Variants in USP10 observed in about 807,000 individuals in gnomAD.
USP10 encodes ubiquitin specific peptidase 10.
Under a neutral mutation model 84.5 loss-of-function variants are expected in USP10, and 22 were observed. The observed-to-expected ratio is 0.26, with a 90% CI of 0.19 to 0.37. The LOEUF is 0.37. Among genes scored for constraint, USP10 ranks in the 10% least tolerant of loss-of-function variants. USP10 has a pLI of 1.00. For synonymous variants in USP10, 454 were observed against 387.6 expected, an observed-to-expected ratio of 1.17 and a Z score of -2.01; for missense variants, 1,019 against 998.9, an observed-to-expected ratio of 1.02 and a Z score of -0.27.
intron 1 of USP10, among the ~76,000 whole-genome samples, chr16:84,728,548 C>A (rs997894879): frequency 6.6e-6 from 1 of 152,036 alleles, no homozygotes; most frequent in African/African-American, 2.4e-5. Flanking sequence ...CCAGGATGGT[C>A]TCAATCTCCT....
chr16:84,717,089 A>G (rs1907127312), intron 1 of USP10, among the ~76,000 whole-genome samples: 2 of 152,132 alleles, frequency 1.3e-5, no homozygotes, highest in Non-Finnish European at 2.9e-5. Flanking sequence ...GATTCAGTAC[A>G]CCTGGGGTGG....
intron 3 of USP10, among the ~76,000 whole-genome samples, chr16:84,743,385 C>T (rs34327141): frequency 0.2 from 30,051 of 152,128 alleles, 3,610 homozygotes; most frequent in East Asian, 0.37. Context: ...GGCTGTGTAG[C>T]TCCAGCCTCC....
rs1282381423 is a variant in USP10 at position 84,755,593 on chromosome 16, G to A, written c.1193-3123G>A. On this transcript the variant is annotated intron_variant, in intron 4 of 13. Coordinates refer to ENST00000219473, the MANE Select transcript of USP10 (RefSeq NM_005153.3). Reference sequence around the variant, plus strand: ...CGAGGCTGCAGTGAGGCATAATCACGCCACTGCACTCCAGCCTGGGTAATA... The same window carrying A: ...CGAGGCTGCAGTGAGGCATAATCACACCACTGCACTCCAGCCTGGGTAATA... Among the ~76,000 whole-genome samples the A allele has an allele frequency of 5.3e-5, 8 of 152,064 alleles. No individual in the cohort carries two copies. The East Asian group carries it at 9.7e-4, about 18-fold the overall frequency.
chr16:84,740,596 A>T (rs1174243513), intron 3 of USP10, among the ~76,000 whole-genome samples: 2 of 152,236 alleles, frequency 1.3e-5, no homozygotes, highest in Non-Finnish European at 2.9e-5. Context: ...TTAGTTTAGG[A>T]AATGGTTGTT....
intron 4 of USP10, among the ~76,000 whole-genome samples, chr16:84,750,702 T>C (rs1911828356): frequency 6.6e-6 from 1 of 152,254 alleles, no homozygotes; most frequent in Admixed American, 6.5e-5. Context: ...TTTGATGTTT[T>C]GCTTTCAAAA....
intron 1 of USP10, among the ~76,000 whole-genome samples, chr16:84,725,405 T>A (rs1040420279): frequency 6.6e-6 from 1 of 152,196 alleles, no homozygotes; most frequent in Admixed American, 6.5e-5. Context: ...TTTCTTTTCT[T>A]TTTTCTTTTT....
chr16:84,740,450 T>G, intron 3 of USP10, 81 bp downstream of exon 3: 1 of 1,154,536 alleles, frequency 8.7e-7, no homozygotes, highest in Non-Finnish European at 1.3e-6. Flanking sequence ...AAACATTGTT[T>G]CCCATTTGAA....
intron 1 of USP10, among the ~76,000 whole-genome samples, chr16:84,706,564 G>A (rs923888463): frequency 2.0e-5 from 3 of 147,664 alleles, no homozygotes. Flanking sequence ...TTTTTGAGAC[G>A]AAGTCTTCCT....
At chr16:84,701,176 C>G (rs62048813) in intron 1 of USP10, among the ~76,000 whole-genome samples, 32,834 of 152,180 alleles carry the variant, frequency 0.22, 3,979 homozygotes, top group East Asian at 0.38. Context: ...AATCTGACTA[C>G]ACCTCTTTTG....
chr16:84,778,850 G>T, intron 13 of USP10, 45 bp from the exon 14 acceptor site: 2 of 1,572,740 alleles, frequency 1.3e-6, no homozygotes, highest in Non-Finnish European at 1.7e-6. Context: ...AATGATTCGT[G>T]TGCAGTGCTG....
intron 4 of USP10, among the ~76,000 whole-genome samples, chr16:84,751,595 C>G (rs1373907362): frequency 6.6e-6 from 1 of 152,196 alleles, no homozygotes; most frequent in Non-Finnish European, 1.5e-5. Context: ...ATAAGTTGAT[C>G]TGTAGTCAAT....
At position 84,779,825 on chromosome 16, in the gene USP10, C is replaced by G. The variant is rs1469233841; in HGVS notation, c.*743C>G. The stretch of plus-strand genomic sequence containing the variant: ...CTGCTCTGTTTAATTCTGCTGTCTG[C>G]TCTTCTCTAATGCTGCGTCCCTAAT... On this transcript the variant is annotated 3_prime_UTR_variant, in exon 14 of 14. Transcript: ENST00000219473. The G allele has an allele frequency of 6.6e-6, 1 of 152,500 alleles. No individual in the cohort carries two copies. The highest frequency in any genetic ancestry group is 2.1e-4 in the South Asian group (1 of 4,836). 9.4% of individuals were successfully genotyped at this position (152,500 alleles called of 1,614,324 possible). A position where few individuals can be genotyped will look rare whatever the true frequency, so the allele number is the denominator to read the frequency against.
chr16:84,761,764 A>G (rs1442764116), intron 8 of USP10, among the ~76,000 whole-genome samples: 1 of 152,280 alleles, frequency 6.6e-6, no homozygotes, highest in Non-Finnish European at 1.5e-5. Context: ...ATCCCGTATC[A>G]GTTATTGGAC....
chr16:84,762,657 C>G (rs1481456881), intron 8 of USP10, among the ~76,000 whole-genome samples: 1 of 150,832 alleles, frequency 6.6e-6, no homozygotes, highest in Non-Finnish European at 1.5e-5. Flanking sequence ...CACCACTGCA[C>G]TCCAGCCTGG....
At chr16:84,723,461 T>G (rs1387097073) in intron 1 of USP10, among the ~76,000 whole-genome samples, 4 of 152,228 alleles carry the variant, frequency 2.6e-5, no homozygotes, top group Non-Finnish European at 5.9e-5. Context: ...AACATGAGAA[T>G]AAAAACCATT....
intron 11 of USP10, among the ~76,000 whole-genome samples, chr16:84,771,780 A>G (rs1914481764): frequency 2.0e-5 from 3 of 152,096 alleles, no homozygotes; most frequent in African/African-American, 2.4e-5. Flanking sequence ...AGGCAGGAGA[A>G]TCGTTTGAAC....
At chr16:84,707,635 G>C (rs904963932) in intron 1 of USP10, among the ~76,000 whole-genome samples, 1 of 152,148 alleles carries the variant, frequency 6.6e-6, no homozygotes, top group Non-Finnish European at 1.5e-5. Context: ...ACTGAAGTCA[G>C]TTTTCTTAGG....
intron 1 of USP10, among the ~76,000 whole-genome samples, chr16:84,725,697 C>T (rs560494019): frequency 5.3e-5 from 8 of 152,320 alleles, no homozygotes; most frequent in African/African-American, 1.7e-4. Context: ...AGCCACCGTG[C>T]CCGGCCTGTC....
rs866193575 is a variant in USP10, at chr16:84,731,306, C to G, written c.22-2129C>G. On this transcript the variant is annotated intron_variant, in intron 1 of 13. Transcript: ENST00000219473. ...TACTTTTTTTTTTTTTTTAACTGCT[C>G]GTTGCAGAGCAGGGCTACGCCATAG... Among the ~76,000 whole-genome samples the G allele has an allele frequency of 3.3e-5, 5 of 150,146 alleles. No individual in the cohort carries two copies. The South Asian group carries it at 8.4e-4, about 25-fold the overall frequency.
Sources: allele counts gnomAD v4.1 joint callset (sites outside exome capture counted in the v4.1 genomes callset), GRCh38; gene constraint gnomAD v4.1.1; transcripts MANE v1.5; gene names NCBI Gene and HGNC (gene_info 2026-07-23, HGNC 2026-07-21).